The following SNW1 variants were observed in gnomAD, a reference collection of about 807,000 sequenced individuals.
The protein encoded by SNW1 is SNW domain containing 1.
SNW1 carries 9 observed loss-of-function variants against 75.6 expected under a neutral mutation model. That is an observed-to-expected ratio of 0.12 (90% CI 0.07 to 0.21). The LOEUF (loss-of-function observed/expected upper bound fraction) is 0.21, where lower values mean the gene tolerates loss of function less well. Ranked by LOEUF, SNW1 falls within the 10% of genes least tolerant of loss-of-function variation. The pLI, the probability that SNW1 is intolerant of heterozygous loss-of-function variation, is 1.00. For missense variants in SNW1, 409 were observed against 670.9 expected, an observed-to-expected ratio of 0.61 and a Z score of 4.31; for synonymous variants, 200 against 219.1, an observed-to-expected ratio of 0.91 and a Z score of 0.77.
rs547249620 is a variant in SNW1, at chr14:77,742,594, C to T, written c.331-3533G>A. 9.1e-4 allele frequency among the ~76,000 whole-genome samples: 139 copies of T among 152,140 alleles called. 2 individuals are homozygous for T. The highest frequency in any genetic ancestry group is 3.9e-3 in the South Asian group (19 of 4,820). On this transcript the variant is annotated intron_variant, in intron 3 of 13. Transcript: ENST00000261531. ...TTCACTATGTGAGGTAGAAAGAAAA[C>T]GCTAATCTAGCTTAGCTAGTGTGTG...
chr14:77,724,259 A>G (rs1304862184), intron 10 of SNW1, among the ~76,000 whole-genome samples: 1 of 152,240 alleles, frequency 6.6e-6, no homozygotes, highest in Non-Finnish European at 1.5e-5. Context: ...CATGAACAAA[A>G]TGTGTAATAA....
At position 77,731,146 on chromosome 14, in the gene SNW1, AT is replaced by A; in HGVS notation, c.892-18del. 1 of 1,612,630 alleles carries A rather than the reference AT, an allele frequency of 6.2e-7. No homozygotes were observed. Among genetic ancestry groups the A allele is most frequent in the South Asian group, 1.1e-5 (1 of 90,838 alleles). On this transcript the variant is annotated intron_variant, in intron 9 of 13. Coordinates refer to ENST00000261531, the MANE Select transcript of SNW1 (RefSeq NM_012245.3). ...TTCACGAGCCTGTTGGTAAAGTCAC[AT>A]GTTAAACAGGACACTATCATGGGAT... is the stretch of plus-strand genomic sequence containing the variant.
chr14:77,722,162 C>G (rs1228760667), intron 11 of SNW1, among the ~76,000 whole-genome samples: 1 of 152,218 alleles, frequency 6.6e-6, no homozygotes, highest in Non-Finnish European at 1.5e-5. Context: ...TTAACCCTCA[C>G]TCAGAATTCC....
chr14:77,735,868 T>C lies in SNW1; in HGVS notation c.708+69A>G. The C allele has an allele frequency of 3.4e-6, 4 of 1,161,890 alleles. No homozygotes were observed. The South Asian group carries it at 5.1e-5, about 15-fold the overall frequency. The allele number at this position is 1,161,890 out of a possible 1,614,324, so 72.0% of individuals were successfully genotyped here. On this transcript the variant is annotated intron_variant, in intron 7 of 13. Transcript: ENST00000261531. ...GTGGTGACATGCACCTGTATAGGCA[T>C]AGGGAGGTTATCTATAAAATTAATA...
intron 1 of SNW1, 149 bp from the exon 2 acceptor site, chr14:77,755,269 A>G (rs2080835698): frequency 1.5e-6 from 1 of 663,622 alleles, no homozygotes; most frequent in Non-Finnish European, 2.6e-6. Context: ...GGTAGTACTC[A>G]ATACTAGCCA....
chr14:77,727,753 T>C (rs1046249324), intron 10 of SNW1, among the ~76,000 whole-genome samples: 2 of 152,238 alleles, frequency 1.3e-5, no homozygotes, highest in African/African-American at 4.8e-5. Context: ...CAGTTGATTA[T>C]GATGAATGAT....
chr14:77,721,994 T>C (rs1269409599), intron 11 of SNW1, among the ~76,000 whole-genome samples: 1 of 152,176 alleles, frequency 6.6e-6, no homozygotes, highest in African/African-American at 2.4e-5. Context: ...GTGATTCGCG[T>C]GCTTTGGCCT....
chr14:77,726,145 G>T (rs938075134), intron 10 of SNW1, among the ~76,000 whole-genome samples: 1 of 151,984 alleles, frequency 6.6e-6, no homozygotes, highest in Non-Finnish European at 1.5e-5. Context: ...ACAAATTTTA[G>T]TATTGTTTTT....
chr14:77,759,601 C>G (rs894614724), intron 1 of SNW1, among the ~76,000 whole-genome samples: 1 of 152,274 alleles, frequency 6.6e-6, no homozygotes, highest in African/African-American at 2.4e-5. Flanking sequence ...CACAAAGTCT[C>G]CCCTCATAAC....
At chr14:77,758,114 G>T (rs2080856891) in intron 1 of SNW1, among the ~76,000 whole-genome samples, 1 of 152,010 alleles carries the variant, frequency 6.6e-6, no homozygotes, top group Non-Finnish European at 1.5e-5. Flanking sequence ...TGGATTACTT[G>T]AGGCCAGGAG....
intron 1 of SNW1, 119 bp from the exon 2 acceptor site, chr14:77,755,239 C>G: frequency 1.2e-6 from 1 of 844,858 alleles, no homozygotes; most frequent in Admixed American, 2.7e-5. Context: ...AGAAAAAGAG[C>G]AGATTTTTCA....
At chr14:77,745,963 G>A (rs888342535) in intron 3 of SNW1, among the ~76,000 whole-genome samples, 11 of 152,166 alleles carry the variant, frequency 7.2e-5, no homozygotes, top group African/African-American at 2.7e-4. Context: ...GTTCAAGGCT[G>A]CAGCGAGTCG....
intron 12 of SNW1, among the ~76,000 whole-genome samples, chr14:77,718,764 T>TGCAG (rs1374245695): frequency 6.6e-6 from 1 of 150,844 alleles, no homozygotes; most frequent in Non-Finnish European, 1.5e-5. Context: ...CAGGCTGGAG[T>TGCAG]GCAGTGGTGT....
chr14:77,747,115 T>C lies in SNW1; in HGVS notation c.330+4204A>G, dbSNP rs893203230. Among the ~76,000 whole-genome samples, 95 of 152,316 alleles carry C rather than the reference T, an allele frequency of 6.2e-4. 1 individual carries two copies. The highest frequency in any genetic ancestry group is 1.8e-3 in the African/African-American group (73 of 41,572). ...TATTTTTTTGGTGGAGATGGGGTTTTGCTGTGTTGGCCGGGCTGGTCTCCA... is the reference window on the plus strand; with the variant it reads ...TATTTTTTTGGTGGAGATGGGGTTTCGCTGTGTTGGCCGGGCTGGTCTCCA... On this transcript the variant is annotated intron_variant, in intron 3 of 13. Transcript: ENST00000261531.
chr14:77,726,713 C>T (rs959296011), intron 10 of SNW1, among the ~76,000 whole-genome samples: 2 of 151,768 alleles, frequency 1.3e-5, no homozygotes, highest in East Asian at 1.9e-4. Flanking sequence ...ACTCAGGAGG[C>T]GGAGACACAA....
At chr14:77,728,308 G>A (rs935188837) in intron 10 of SNW1, among the ~76,000 whole-genome samples, 11 of 152,038 alleles carry the variant, frequency 7.2e-5, no homozygotes, top group African/African-American at 2.7e-4. Flanking sequence ...AAAATTAGCT[G>A]GGCATGGTGA....
Position 77,741,096 on chromosome 14 carries a change from CAAAAAAAAAAAA to C in SNW1, c.331-2047_331-2036del, listed in dbSNP as rs60307573. Among the ~76,000 whole-genome samples, 24 of 87,272 alleles carry C rather than the reference CAAAAAAAAAAAA, an allele frequency of 2.8e-4. 1 individual carries two copies. The East Asian group carries it at 7.7e-3, about 28-fold the overall frequency. The allele number at this position is 87,272 out of a possible 152,430, so 57.3% of individuals were successfully genotyped here. ...TGAGCAACAAGAGTGAAACTGTCTC[CAAAAAAAAAAAA>C]AAAAAAAAAAGTGTCTCCTGTGCTT... On this transcript the variant is annotated intron_variant, in intron 3 of 13. Transcript: ENST00000261531.
chr14:77,719,194 CCCAG>C (rs1302236087), intron 12 of SNW1, among the ~76,000 whole-genome samples: 2 of 152,050 alleles, frequency 1.3e-5, no homozygotes, highest in African/African-American at 4.8e-5. Context: ...AGCCACAGTG[CCCAG>C]CCAGAAATAT....
chr14:77,755,990 C>T (rs545210018), intron 1 of SNW1, among the ~76,000 whole-genome samples: 37 of 151,504 alleles, frequency 2.4e-4, no homozygotes, highest in African/African-American at 7.8e-4. Context: ...GTGCCCGCCC[C>T]GGCCTCCCAA....
Sources: allele counts gnomAD v4.1 joint callset (sites outside exome capture counted in the v4.1 genomes callset), GRCh38; gene constraint gnomAD v4.1.1; transcripts MANE v1.5; gene names NCBI Gene and HGNC (gene_info 2026-07-23, HGNC 2026-07-21).